The following TCF3 variants were observed in gnomAD, a reference collection of about 807,000 sequenced individuals.
The protein encoded by TCF3 is transcription factor E2-alpha.
A neutral mutation model predicts 72.3 loss-of-function variants in TCF3; 54 were observed. The ratio of observed to expected loss-of-function variants is 0.75; its 90% confidence interval spans 0.60 to 0.94. The LOEUF is 0.94. Among genes scored for constraint, TCF3 ranks in the 40% least tolerant of loss-of-function variants. The probability of loss-of-function intolerance (pLI) is 0.00; values close to 1 mark genes in which losing one functional copy is unlikely to be tolerated. For synonymous variants in TCF3, 525 were observed against 412.6 expected, an observed-to-expected ratio of 1.27 and a Z score of -3.30; for missense variants, 1,078 against 934.4, an observed-to-expected ratio of 1.15 and a Z score of -2.00.
Position 1,619,005 on chromosome 19 carries a change from C to G in TCF3, c.1450+106G>C, listed in dbSNP as rs544076104. On this transcript the variant is annotated intron_variant, in intron 16 of 18. Transcript: ENST00000262965. ...GGGCGCCCATGTCACCAGGTGCCCC[C>G]ACGGTGACACCTGCCCTGGGCTCCC... 5.2e-6 allele frequency: 8 copies of G among 1,547,472 alleles called. No homozygotes were observed. In the African/African-American group the frequency reaches 9.6e-5, roughly 19 times the overall value.
At chr19:1,623,002 G>A (rs1021689287) in intron 8 of TCF3, among the ~76,000 whole-genome samples, 2 of 152,144 alleles carry the variant, frequency 1.3e-5, no homozygotes, top group African/African-American at 2.4e-5. Flanking sequence ...ACTGGGGGGC[G>A]GTTTCAGGGC....
At position 1,622,430 on chromosome 19, in the gene TCF3, GC is replaced by G; in HGVS notation, c.550-16del. 3.8e-6 allele frequency: 5 copies of G among 1,316,304 alleles called. No homozygotes were observed. Among genetic ancestry groups the G allele is most frequent in the South Asian group, 1.5e-5 (1 of 67,364 alleles). The allele number at this position is 1,316,304 out of a possible 1,614,324, so 81.5% of individuals were successfully genotyped here. A position where few individuals can be genotyped will look rare whatever the true frequency, so the allele number is the denominator to read the frequency against. On this transcript the variant is annotated splice_polypyrimidine_tract_variant and intron_variant, in intron 8 of 18. Coordinates refer to ENST00000262965, the MANE Select transcript of TCF3 (RefSeq NM_003200.5). ...GGTGGGTACACCTGCGGGCGGGTGGGCGGTGGGGGGTGCAGTCAGGACGGAG... is the reference window on the plus strand; with the variant it reads ...GGTGGGTACACCTGCGGGCGGGTGGGGGTGGGGGGTGCAGTCAGGACGGAG...
At chr19:1,647,686 G>T (rs933540514) in intron 2 of TCF3, among the ~76,000 whole-genome samples, 1 of 152,208 alleles carries the variant, frequency 6.6e-6, no homozygotes. Context: ...GGAAACAAAG[G>T]CCTGCTGTGG....
In TCF3 at chr19:1,614,001, G is replaced by A. The variant is rs1170296923; in HGVS notation, c.1822+1284C>T. On this transcript the variant is annotated intron_variant, in intron 18 of 18. Coordinates refer to ENST00000262965, the MANE Select transcript of TCF3 (RefSeq NM_003200.5). The surrounding 1 kb of genome is among the most constrained non-coding windows in gnomAD (Gnocchi z 5.6). The stretch of plus-strand genomic sequence containing the variant: ...TGCTGCCGCAGGGGTGCGGGTCCCG[G>A]CCCAGGCCTCTGTGCTGCATGGCCC... Among the ~76,000 whole-genome samples, 1 of 152,288 alleles carries A rather than the reference G, an allele frequency of 6.6e-6. No homozygotes were observed. The highest frequency in any genetic ancestry group is 1.5e-5 in the Non-Finnish European group (1 of 68,050).
chr19:1,644,855 G>A (rs941226995), intron 3 of TCF3, among the ~76,000 whole-genome samples: 2 of 151,872 alleles, frequency 1.3e-5, no homozygotes, highest in Admixed American at 6.5e-5. Flanking sequence ...AGGCCCAGGA[G>A]AATGGGGGTG....
At chr19:1,637,274 T>A (rs1282083524) in intron 3 of TCF3, among the ~76,000 whole-genome samples, 1 of 146,148 alleles carries the variant, frequency 6.8e-6, no homozygotes, top group Non-Finnish European at 1.5e-5. Flanking sequence ...CCTGGCAACC[T>A]CCTCCACCAG....
chr19:1,651,575 G>C (rs953443892), intron 1 of TCF3, among the ~76,000 whole-genome samples: 1 of 152,180 alleles, frequency 6.6e-6, no homozygotes, highest in Admixed American at 6.5e-5. Flanking sequence ...CTTCTGGGGC[G>C]TCCCAAGGAC....
intron 5 of TCF3, among the ~76,000 whole-genome samples, chr19:1,629,439 A>G (rs921349420): frequency 1.3e-5 from 2 of 152,076 alleles, no homozygotes; most frequent in Admixed American, 6.5e-5. Flanking sequence ...GTGACAAAGG[A>G]CAGGTGAGGC....
At position 1,629,105 on chromosome 19, in the gene TCF3, C is replaced by CA. The variant is rs200159409; in HGVS notation, c.299-1680_299-1679insT. On this transcript the variant is annotated intron_variant, in intron 5 of 18. Coordinates refer to ENST00000262965, the MANE Select transcript of TCF3 (RefSeq NM_003200.5). ...GGCGGGAAGGGGACAGCAGAGCTCA[C>CA]GGGGTGAGGCGGGAAGGGGACAGCA... Among the ~76,000 whole-genome samples, 5 of 52,418 alleles carry CA rather than the reference C, an allele frequency of 9.5e-5. 1 individual carries two copies. Among genetic ancestry groups the CA allele is most frequent in the African/African-American group, 6.2e-4 (5 of 8,038 alleles). 34.4% of individuals were successfully genotyped at this position (52,418 alleles called of 152,430 possible).
Position 1,622,427 on chromosome 19 carries a change from T to TAACCCGGGGGGGGGGGG in TCF3, c.550-13_550-12insCCCCCCCCCCCCGGGTT. 1 of 440,402 alleles carries TAACCCGGGGGGGGGGGG rather than the reference T, an allele frequency of 2.3e-6. No individual in the cohort carries two copies. Among genetic ancestry groups the TAACCCGGGGGGGGGGGG allele is most frequent in the Admixed American group, 4.0e-5 (1 of 25,248 alleles). 27.3% of individuals were successfully genotyped at this position (440,402 alleles called of 1,614,324 possible). A position where few individuals can be genotyped will look rare whatever the true frequency, so the allele number is the denominator to read the frequency against. ...CTGGGTGGGTACACCTGCGGGCGGG[T>TAACCCGGGGGGGGGGGG]GGGCGGTGGGGGGTGCAGTCAGGAC... On this transcript the variant is annotated splice_polypyrimidine_tract_variant and intron_variant, in intron 8 of 18. Coordinates refer to ENST00000262965, the MANE Select transcript of TCF3 (RefSeq NM_003200.5).
Position 1,643,387 on chromosome 19 carries a change from A to T in TCF3, c.145+2968T>A, listed in dbSNP as rs923143965. ...AAGTGTGCGCCACCACGCCCAGCTA[A>T]TTTTTGTATTTTTAGTAGAGATGAG... On this transcript the variant is annotated intron_variant, in intron 3 of 18. Coordinates refer to ENST00000262965, the MANE Select transcript of TCF3 (RefSeq NM_003200.5). Among the ~76,000 whole-genome samples the T allele has an allele frequency of 6.6e-5, 10 of 151,572 alleles. No individual in the cohort carries two copies. The East Asian group carries it at 1.9e-3, about 29-fold the overall frequency.
At chr19:1,629,582 C>T (rs994772410) in intron 5 of TCF3, among the ~76,000 whole-genome samples, 4 of 151,992 alleles carry the variant, frequency 2.6e-5, no homozygotes, top group Non-Finnish European at 5.9e-5. Flanking sequence ...GACAGCCTGC[C>T]GGGGCGAGCC....
chr19:1,611,921 G>T, intron 18 of TCF3, 72 bp from the exon 19 acceptor site: 1 of 292,112 alleles, frequency 3.4e-6, no homozygotes, highest in Non-Finnish European at 6.3e-6. Flanking sequence ...GGAGTGGGGG[G>T]TAGGATGTCG....
Position 1,622,226 on chromosome 19 carries a change from G to C in TCF3, c.653-3C>G. ...GGCTGAGGGGTGCAGGCTGCCATCT[G>C]TGGAGGGGAGCTGGTAAGGTGGGGG... is the stretch of plus-strand genomic sequence containing the variant. On this transcript the variant is annotated splice_region_variant and splice_polypyrimidine_tract_variant and intron_variant, in intron 9 of 18. Coordinates refer to ENST00000262965, the MANE Select transcript of TCF3 (RefSeq NM_003200.5). 6.5e-7 allele frequency: 1 copy of C among 1,541,376 alleles called. No individual in the cohort carries two copies.
At chr19:1,621,550 T>TGG (rs908368192) in intron 11 of TCF3, among the ~76,000 whole-genome samples, 1 of 151,916 alleles carries the variant, frequency 6.6e-6, no homozygotes. Context: ...TCTCTGACCC[T>TGG]GGGTGGGTGA....
At chr19:1,631,896 G>A in intron 5 of TCF3, 142 bp downstream of exon 5, 2 of 1,529,280 alleles carry the variant, frequency 1.3e-6, no homozygotes, top group Non-Finnish European at 8.8e-7. Flanking sequence ...GCTGCTCCCA[G>A]GACGGGCAGA....
At chr19:1,631,974 A>G in intron 5 of TCF3, 64 bp downstream of exon 5, 1 of 1,579,388 alleles carries the variant, frequency 6.3e-7, no homozygotes, top group Non-Finnish European at 8.6e-7. Flanking sequence ...TGCACTGACC[A>G]TGCCAAGGCC....
At position 1,615,646 on chromosome 19, in the gene TCF3, A is replaced by G; in HGVS notation, c.1586+40T>C. 8.2e-7 allele frequency: 1 copy of G among 1,226,406 alleles called. No homozygotes were observed. The highest frequency in any genetic ancestry group is 1.1e-6 in the Non-Finnish European group (1 of 894,628). The allele number at this position is 1,226,406 out of a possible 1,614,324, so 76.0% of individuals were successfully genotyped here. On this transcript the variant is annotated intron_variant, in intron 17 of 18. Coordinates refer to ENST00000262965, the MANE Select transcript of TCF3 (RefSeq NM_003200.5). The surrounding 1 kb of genome is among the most constrained non-coding windows in gnomAD (Gnocchi z 7.3). ...GTGGCCTGTGCACATGTGCGTCCTG[A>G]TGGGGTGAGGGTGGGGAGTGCCGAG...
intron 5 of TCF3, among the ~76,000 whole-genome samples, chr19:1,629,657 C>G (rs1178417536): frequency 6.6e-6 from 1 of 152,196 alleles, no homozygotes; most frequent in Non-Finnish European, 1.5e-5. Flanking sequence ...GAAGCAGGCA[C>G]CCCGATTACT....
Sources: allele counts gnomAD v4.1 joint callset (sites outside exome capture counted in the v4.1 genomes callset), GRCh38; gene constraint gnomAD v4.1.1; non-coding constraint Gnocchi (gnomAD v3.1); transcripts MANE v1.5; gene names NCBI Gene and HGNC (gene_info 2026-07-23, HGNC 2026-07-21).